RAB3GAP1: variants seen among roughly 807,000 people sequenced by gnomAD.
The protein encoded by RAB3GAP1 is RAB3 GTPase activating protein catalytic subunit 1, also known as rab3 GTPase-activating protein catalytic subunit.
Under a neutral mutation model 130.7 loss-of-function variants are expected in RAB3GAP1, and 86 were observed. The ratio of observed to expected loss-of-function variants is 0.66; its 90% CI spans 0.55 to 0.79. RAB3GAP1 has a LOEUF of 0.79. RAB3GAP1 is among the 30% of genes least tolerant of loss of function. The pLI, the probability that RAB3GAP1 is intolerant of heterozygous loss-of-function variation, is 0.00. For missense variants in RAB3GAP1, 1,029 were observed against 1,169.4 expected (o/e 0.88, Z 1.75); for synonymous variants, 367 against 401.7 (o/e 0.91, Z 1.03).
At chr2:135,099,718 A>G (rs967644597) in intron 5 of RAB3GAP1, among the ~76,000 whole-genome samples, 1 of 151,356 alleles carries the variant, frequency 6.6e-6, no homozygotes, top group African/African-American at 2.4e-5. Flanking sequence ...TGGCATTCTC[A>G]TTTTATTGAG....
intron 3 of RAB3GAP1, among the ~76,000 whole-genome samples, chr2:135,089,130 C>T (rs751426958): frequency 6.0e-5 from 9 of 150,976 alleles, no homozygotes; most frequent in African/African-American, 9.9e-5. Context: ...TTTCCCAGCA[C>T]GATTTGTTAA....
chr2:135,153,962 T>C (rs1180509004), intron 19 of RAB3GAP1, 86 bp downstream of exon 19: 2 of 1,245,818 alleles, frequency 1.6e-6, no homozygotes, highest in Non-Finnish European at 2.3e-6. Context: ...GTGAGAGTTT[T>C]GGACACACTT....
intron 5 of RAB3GAP1, among the ~76,000 whole-genome samples, chr2:135,108,940 A>G (rs1690710864): frequency 1.3e-5 from 2 of 152,158 alleles, no homozygotes; most frequent in Non-Finnish European, 2.9e-5. Context: ...TGAAAAGACT[A>G]TCTCCATTGT....
chr2:135,052,623 A>G (rs2104813797), intron 2 of RAB3GAP1, 138 bp downstream of exon 2: 1 of 1,022,084 alleles, frequency 9.8e-7, no homozygotes, highest in Middle Eastern at 3.0e-4. Flanking sequence ...CTCCTCCCCC[A>G]GTCTTCTTTG....
chr2:135,113,316 CA>C lies in RAB3GAP1; in HGVS notation c.482+48del, dbSNP rs754046798. ...ACCTAGACAAAAAAACTGTTTTTAA[CA>C]ATAATTTATGAAGGCAAACAGTTAT... On this transcript the variant is annotated intron_variant, in intron 6 of 23. Transcript: ENST00000264158. 1.9e-6 allele frequency: 3 copies of C among 1,604,012 alleles called. No individual in the cohort carries two copies. The Admixed American group carries it at 5.0e-5, about 27-fold the overall frequency.
At chr2:135,140,230 G>T (rs1691800670) in intron 17 of RAB3GAP1, among the ~76,000 whole-genome samples, 1 of 152,112 alleles carries the variant, frequency 6.6e-6, no homozygotes, top group Admixed American at 6.5e-5. Context: ...GTAGACAAAG[G>T]CACTCATTTT....
chr2:135,093,903 C>G (rs1337403653), intron 5 of RAB3GAP1, among the ~76,000 whole-genome samples: 2 of 152,174 alleles, frequency 1.3e-5, no homozygotes, highest in Non-Finnish European at 2.9e-5. Context: ...TTTTAAGAAT[C>G]CTTTCCTAAT....
chr2:135,086,262 A>T (rs964377036), intron 3 of RAB3GAP1, among the ~76,000 whole-genome samples: 2 of 152,126 alleles, frequency 1.3e-5, no homozygotes, highest in Admixed American at 1.3e-4. Flanking sequence ...GTCTTAGGGT[A>T]GTTACATGTT....
chr2:135,152,925 G>A (rs1021478410), intron 18 of RAB3GAP1: 6 of 152,124 alleles, frequency 3.9e-5, no homozygotes, highest in Admixed American at 1.3e-4. Flanking sequence ...AAAGGTTTTT[G>A]GCATACATCA....
intron 22 of RAB3GAP1, 46 bp downstream of exon 22, chr2:135,163,147 C>A: frequency 2.3e-6 from 3 of 1,311,424 alleles, no homozygotes; most frequent in Non-Finnish European, 2.2e-6. Context: ...GTAGGAAAAG[C>A]CACCACTCTC....
chr2:135,102,143 G>A (rs1005311189), intron 5 of RAB3GAP1, among the ~76,000 whole-genome samples: 1 of 152,220 alleles, frequency 6.6e-6, no homozygotes, highest in Non-Finnish European at 1.5e-5. Flanking sequence ...GATTATCTGG[G>A]TGGACCCAGT....
intron 13 of RAB3GAP1, among the ~76,000 whole-genome samples, chr2:135,131,823 T>C (rs1019665923): frequency 6.6e-6 from 1 of 152,246 alleles, no homozygotes. Context: ...GGGTCTTTGA[T>C]AAATGATAGC....
chr2:135,069,011 A>AT (rs1207332294), intron 3 of RAB3GAP1, among the ~76,000 whole-genome samples: 1 of 152,130 alleles, frequency 6.6e-6, no homozygotes, highest in African/African-American at 2.4e-5. Flanking sequence ...TTTACGGGAG[A>AT]TTTTGGCAGT....
intron 4 of RAB3GAP1, 34 bp from the exon 5 acceptor site, chr2:135,093,581 A>G (rs767114255): frequency 5.3e-6 from 8 of 1,516,604 alleles, no homozygotes; most frequent in Admixed American, 3.3e-5. Flanking sequence ...GATCATGAAC[A>G]TACTAACTTT....
chr2:135,133,025 C>T, intron 14 of RAB3GAP1, 41 bp downstream of exon 14: 1 of 1,151,388 alleles, frequency 8.7e-7, no homozygotes. Context: ...GTTTTAAATG[C>T]ACTGAATTTC....
chr2:135,117,848 C>T (rs1052528768), intron 7 of RAB3GAP1, among the ~76,000 whole-genome samples: 5 of 137,848 alleles, frequency 3.6e-5, no homozygotes, highest in South Asian at 2.2e-4. Context: ...CTTCTTCTTT[C>T]TTCTTCTTCT....
chr2:135,176,349 CAG>C (rs201276158), exon 25 of RAB3GAP1: 4,194 of 152,104 alleles, frequency 0.028, 86 homozygotes, highest in South Asian at 0.046. Context: ...TGGAATCAAC[CAG>C]AGTGTCCATT....
At position 135,135,776 on chromosome 2, in the gene RAB3GAP1, A is replaced by G; in HGVS notation, c.1767A>G (p.Leu589=). The change falls in exon 17 of 24, where the codon CTA becomes CTG. Residue 589 remains leucine, a synonymous_variant. Transcript: ENST00000264158. ...SDSEEEFFEC[L]SDTEELKGNG... ...GCGAAGAAGAATTTTTTGAATGCCT[A>G]AGTGATACTGAAGAACTTAAAGGAA... 1 of 1,614,112 alleles carries G rather than the reference A, an allele frequency of 6.2e-7. No homozygotes were observed. The highest frequency in any genetic ancestry group is 8.5e-7 in the Non-Finnish European group (1 of 1,180,012).
downstream of RAB3GAP1, chr2:135,175,263 C>T (rs1213190280): frequency 6.6e-6 from 1 of 152,272 alleles, no homozygotes; most frequent in East Asian, 1.9e-4. Context: ...CCAAAACGCT[C>T]AGGGGTTTCA....
Sources: gnomAD v4.1 joint callset for allele counts (sites outside exome capture counted in the v4.1 genomes callset) on GRCh38, gnomAD v4.1.1 for gene constraint, MANE v1.5 for transcripts, NCBI Gene and HGNC (gene_info 2026-07-23, HGNC 2026-07-21) for gene names.